TRAPPC8: variants seen among roughly 807,000 people sequenced by gnomAD.
TRAPPC8 encodes trafficking protein particle complex subunit 8.
TRAPPC8 carries 54 observed loss-of-function variants against 174.3 expected under a neutral mutation model. That is an observed-to-expected ratio of 0.31 (90% CI 0.25 to 0.39). The LOEUF (loss-of-function observed/expected upper bound fraction) is 0.39. Among genes scored for constraint, TRAPPC8 ranks in the 10% least tolerant of loss-of-function variants. The probability of loss-of-function intolerance (pLI) is 1.00; values close to 1 mark genes in which losing one functional copy is unlikely to be tolerated. For synonymous variants in TRAPPC8, 630 were observed against 579.9 expected (o/e 1.09, Z -1.24); for missense variants, 1,531 against 1,699.1 (o/e 0.90, Z 1.74).
At chr18:31,840,911 TA>T (rs35355808) in intron 26 of TRAPPC8, among the ~76,000 whole-genome samples, 460 of 136,240 alleles carry the variant, frequency 3.4e-3, no homozygotes, top group Admixed American at 3.4e-3. Context: ...GGGCTACTGG[TA>T]AAAAAAAAAA....
At chr18:31,866,246 T>C (rs2034580190) in intron 18 of TRAPPC8, among the ~76,000 whole-genome samples, 1 of 152,152 alleles carries the variant, frequency 6.6e-6, no homozygotes, top group Non-Finnish European at 1.5e-5. Flanking sequence ...CTACACACAG[T>C]AATTACATGG....
At chr18:31,848,297 T>TA (rs1456787325) in intron 25 of TRAPPC8, among the ~76,000 whole-genome samples, 10 of 149,570 alleles carry the variant, frequency 6.7e-5, no homozygotes, top group African/African-American at 2.2e-4. Flanking sequence ...GGCCATTTCT[T>TA]AAAAGATAAC....
chr18:31,923,811 G>A (rs1002190453), intron 2 of TRAPPC8, among the ~76,000 whole-genome samples: 7 of 151,494 alleles, frequency 4.6e-5, no homozygotes, highest in African/African-American at 1.7e-4. Flanking sequence ...CCAGGAGTTC[G>A]AGACCACTCT....
At chr18:31,910,704 A>G (rs1301585504) in intron 5 of TRAPPC8, among the ~76,000 whole-genome samples, 3 of 152,240 alleles carry the variant, frequency 2.0e-5, no homozygotes, top group Admixed American at 2.0e-4. Context: ...AAGAAATTAA[A>G]GCATTAGATC....
intron 1 of TRAPPC8, 51 bp downstream of exon 1, chr18:31,942,557 C>G: frequency 6.8e-7 from 1 of 1,479,836 alleles, no homozygotes; most frequent in Non-Finnish European, 9.0e-7. Flanking sequence ...ACTTCCTTCT[C>G]CCGACCACGG....
Position 31,870,389 on chromosome 18 carries a change from C to T in TRAPPC8, c.2371G>A (p.Glu791Lys). The T allele has an allele frequency of 6.2e-7, 1 of 1,609,996 alleles. No homozygotes were observed. Among genetic ancestry groups the T allele is most frequent in the South Asian group, 1.1e-5 (1 of 90,032 alleles). Residue 791 changes from glutamate to lysine, a missense_variant, in exon 16 of 29, where the codon GAA becomes AAA. Coordinates refer to ENST00000283351, the MANE Select transcript of TRAPPC8 (RefSeq NM_014939.5). Reference protein sequence around the residue: ...HPKDFSGKDNEEVKQLVTSEP... With the variant: ...HPKDFSGKDNKEVKQLVTSEP... ...TAACTTACTAGTTGTTTAACTTCTT[C>T]ATTATCCTTTCCACTGAAATCTTTA...
chr18:31,857,211 T>C (rs866363321), intron 20 of TRAPPC8, among the ~76,000 whole-genome samples: 2 of 152,212 alleles, frequency 1.3e-5, no homozygotes, highest in South Asian at 4.1e-4. Flanking sequence ...GTTGTCTTCA[T>C]ACATAAATGA....
At chr18:31,909,791 A>G in intron 5 of TRAPPC8, 31 bp from the exon 6 acceptor site, 1 of 1,420,830 alleles carries the variant, frequency 7.0e-7, no homozygotes. Flanking sequence ...AAGCATTAGC[A>G]GTTATACTTA....
At position 31,942,612 on chromosome 18, in the gene TRAPPC8, G is replaced by A. The variant is rs758717516; in HGVS notation, c.153C>T (p.Ser51=). The A allele has an allele frequency of 4.4e-6, 7 of 1,601,976 alleles. No individual in the cohort carries two copies. Among genetic ancestry groups the A allele is most frequent in the East Asian group, 2.2e-5 (1 of 44,476 alleles). The change falls in exon 1 of 29, where the codon TCC becomes TCT. Residue 51 remains serine (S), a synonymous_variant. Transcript: ENST00000283351. The part of the protein sequence containing the change: ...ELLKPFSRLT[S]EVHMRDPNNQ... ...AAAAGGGAGGATACCACATACCCTC[G>A]GAAGTGAGGCGGGAGAAGGGCTTAA...
chr18:31,881,756 T>G (rs2035465525), intron 12 of TRAPPC8, among the ~76,000 whole-genome samples: 1 of 151,946 alleles, frequency 6.6e-6, no homozygotes, highest in Non-Finnish European at 1.5e-5. Flanking sequence ...GACAAAGGAC[T>G]AATATCCAGA....
At chr18:31,911,719 T>C (rs2036911945) in intron 5 of TRAPPC8, among the ~76,000 whole-genome samples, 1 of 130,654 alleles carries the variant, frequency 7.7e-6, no homozygotes, top group South Asian at 2.4e-4. Context: ...ATCATGCCAC[T>C]GCACTCCGGC....
chr18:31,918,901 A>C (rs12604977), intron 2 of TRAPPC8, among the ~76,000 whole-genome samples: 1 of 152,172 alleles, frequency 6.6e-6, no homozygotes, highest in Non-Finnish European at 1.5e-5. Flanking sequence ...TTTTACTAAA[A>C]GGACTCCATT....
At chr18:31,856,056 T>A (rs552030980) in intron 20 of TRAPPC8, among the ~76,000 whole-genome samples, 16 of 152,254 alleles carry the variant, frequency 1.1e-4, no homozygotes, top group African/African-American at 3.8e-4. Context: ...TTCATCTGTA[T>A]AACACATAAA....
chr18:31,896,481 C>A (rs1469455474), intron 11 of TRAPPC8: 1 of 140,984 alleles, frequency 7.1e-6, no homozygotes, highest in Non-Finnish European at 1.5e-5. Context: ...ACAGGAATAT[C>A]TCAAGCCATT....
In TRAPPC8 at chr18:31,907,510, T is replaced by C; in HGVS notation, c.1339A>G (p.Lys447Glu). ...DLAYSCYHTA[K>E]KDFLNDQAML... ...GCTTGATCATTAAGAAAATCTTTCT[T>C]TGCAGTATGATAGCAACTGTAAGCC... The change falls in exon 9 of 29, where the codon AAG becomes GAG. Residue 447 changes from lysine (K) to glutamate (E), a missense_variant. By Grantham distance (56) the Lys-to-Glu change is moderately conservative (BLOSUM62 1). Coordinates refer to ENST00000283351, the MANE Select transcript of TRAPPC8 (RefSeq NM_014939.5). 6.2e-7 allele frequency: 1 copy of C among 1,606,956 alleles called. No individual in the cohort carries two copies.
At chr18:31,871,895 CGTT>C (rs1453183400) in intron 14 of TRAPPC8, among the ~76,000 whole-genome samples, 1 of 151,414 alleles carries the variant, frequency 6.6e-6, no homozygotes, top group Admixed American at 6.6e-5. Context: ...CAAGGAGAAA[CGTT>C]GATTAAATTC....
chr18:31,933,415 CT>C (rs1237917712), intron 1 of TRAPPC8, among the ~76,000 whole-genome samples: 2 of 151,954 alleles, frequency 1.3e-5, no homozygotes, highest in African/African-American at 4.8e-5. Flanking sequence ...CCCTGAACAA[CT>C]TAACCCTTCT....
chr18:31,893,026 G>GAAAA (rs75962728), intron 11 of TRAPPC8, among the ~76,000 whole-genome samples: 3 of 135,918 alleles, frequency 2.2e-5, no homozygotes, highest in Non-Finnish European at 3.2e-5. Context: ...CAAAAAAAGG[G>GAAAA]AAAAAAAAAA....
At chr18:31,900,882 G>T (rs1598705165) in intron 10 of TRAPPC8, 43 bp downstream of exon 10, 99 of 1,277,248 alleles carry the variant, frequency 7.8e-5, no homozygotes, top group Non-Finnish European at 1.0e-4. Context: ...AGAACAAACT[G>T]ACCTTTAACT....
Sources: gnomAD v4.1 joint callset for allele counts (sites outside exome capture counted in the v4.1 genomes callset) on GRCh38, gnomAD v4.1.1 for gene constraint, MANE v1.5 for transcripts, NCBI Gene and HGNC (gene_info 2026-07-23, HGNC 2026-07-21) for gene names.